The following UNC13B variants were observed in gnomAD, a reference collection of about 807,000 sequenced individuals.
UNC13B encodes protein unc-13 homolog B.
UNC13B carries 144 observed loss-of-function variants against 211.0 expected under a neutral mutation model. The ratio of observed to expected loss-of-function variants is 0.68; its 90% CI spans 0.60 to 0.78. UNC13B has a LOEUF of 0.78. UNC13B is among the 30% of genes least tolerant of loss of function. The pLI, the probability that UNC13B is intolerant of heterozygous loss-of-function variation, is 0.00. For synonymous variants in UNC13B, 709 were observed against 725.8 expected (o/e 0.98, Z 0.37); for missense variants, 1,777 against 2,002.0 (o/e 0.89, Z 2.14).
intron 1 of UNC13B, among the ~76,000 whole-genome samples, chr9:35,203,123 G>A (rs1823415275): frequency 6.6e-6 from 1 of 152,138 alleles, no homozygotes; most frequent in Non-Finnish European, 1.5e-5. Context: ...TTGCCAGTCT[G>A]TGTCTTTTAA....
chr9:35,333,543 C>T (rs544045822), intron 11 of UNC13B, among the ~76,000 whole-genome samples: 12 of 152,308 alleles, frequency 7.9e-5, no homozygotes, highest in East Asian at 3.9e-4. Context: ...TTCTTTCCAA[C>T]GCCTTCCTCC....
At chr9:35,258,351 C>T (rs978795875) in intron 6 of UNC13B, among the ~76,000 whole-genome samples, 1 of 152,192 alleles carries the variant, frequency 6.6e-6, no homozygotes, top group African/African-American at 2.4e-5. Flanking sequence ...AAATCGGGCC[C>T]ATCCTCAAGA....
At chr9:35,314,274 G>A (rs925008430) in intron 11 of UNC13B, among the ~76,000 whole-genome samples, 1 of 152,064 alleles carries the variant, frequency 6.6e-6, no homozygotes, top group African/African-American at 2.4e-5. Flanking sequence ...TGAGTTTAGG[G>A]CGAGTTTAGG....
rs368947711 is a variant in UNC13B, at chr9:35,375,192, C to T, written c.9606C>T (p.Asp3202=). The T allele has an allele frequency of 2.0e-5, 33 of 1,613,940 alleles. No individual in the cohort carries two copies. Among genetic ancestry groups the T allele is most frequent in the African/African-American group, 9.3e-5 (7 of 74,928 alleles). Residue 3202 remains aspartate, a synonymous_variant, in exon 14 of 40, where the codon GAC becomes GAT. Transcript: ENST00000635942. ...SAMATRTSLK[D]EELKSHVYKK... Reference sequence around the variant, plus strand: ...TGGCTACACGCACTTCTCTTAAGGACGAAGAGCTGGTAAGTGTCCCAAGTG... The same window carrying T: ...TGGCTACACGCACTTCTCTTAAGGATGAAGAGCTGGTAAGTGTCCCAAGTG...
chr9:35,254,867 A>G (rs1826728029), intron 6 of UNC13B, among the ~76,000 whole-genome samples: 1 of 135,902 alleles, frequency 7.4e-6, no homozygotes, highest in Admixed American at 8.4e-5. Context: ...TGAATTGTTT[A>G]TACATTATTT....
intron 11 of UNC13B, among the ~76,000 whole-genome samples, chr9:35,342,819 A>T (rs777302264): frequency 1.3e-5 from 2 of 152,192 alleles, no homozygotes; most frequent in Non-Finnish European, 2.9e-5. Context: ...TCCTATGTGT[A>T]TGCATGTACT....
At chr9:35,287,630 C>A (rs772920048) in intron 7 of UNC13B, among the ~76,000 whole-genome samples, 1 of 152,002 alleles carries the variant, frequency 6.6e-6, no homozygotes, top group Non-Finnish European at 1.5e-5. Context: ...TTTTTCTTGG[C>A]CTGCACTCTG....
chr9:35,249,171 T>TA (rs1257111889), intron 6 of UNC13B, among the ~76,000 whole-genome samples: 1 of 152,216 alleles, frequency 6.6e-6, no homozygotes, highest in East Asian at 1.9e-4. Context: ...GAGACTAGGA[T>TA]TGCAACCCCT....
intron 11 of UNC13B, among the ~76,000 whole-genome samples, chr9:35,344,926 G>T (rs1197652903): frequency 6.6e-6 from 1 of 152,160 alleles, no homozygotes; most frequent in East Asian, 1.9e-4. Flanking sequence ...TTTAGCACAG[G>T]CACTGTTTTA....
rs916596704 is a variant in UNC13B at position 35,380,623 on chromosome 9, C to T, written c.10359C>T (p.Asp3453=). 1.4e-5 allele frequency: 22 copies of T among 1,614,030 alleles called. No individual in the cohort carries two copies. The highest frequency in any genetic ancestry group is 2.7e-5 in the African/African-American group (2 of 74,922). The change falls in exon 18 of 40, where the codon GAC becomes GAT. Residue 3453 remains aspartate (D), a synonymous_variant. Transcript: ENST00000635942. ...TTCGGACCCTAAGTGGCGAGATGGA[C>T]GTCTGGTACAACTTGGGTGAGGAAA... ...IEVRTLSGEM[D]VWYNLEKRTD...
chr9:35,197,924 T>A (rs1823036211), intron 1 of UNC13B, among the ~76,000 whole-genome samples: 1 of 152,134 alleles, frequency 6.6e-6, no homozygotes, highest in Admixed American at 6.5e-5. Flanking sequence ...CAGTCTCAGA[T>A]AGTTCTTTAT....
At chr9:35,225,380 G>A (rs1393234899) in intron 1 of UNC13B, among the ~76,000 whole-genome samples, 4 of 152,046 alleles carry the variant, frequency 2.6e-5, no homozygotes, top group South Asian at 2.1e-4. Flanking sequence ...AGCTGGTCTC[G>A]AATTCCTTAA....
intron 7 of UNC13B, among the ~76,000 whole-genome samples, chr9:35,270,910 G>A (rs1827841337): frequency 6.6e-6 from 1 of 152,242 alleles, no homozygotes; most frequent in South Asian, 2.1e-4. Flanking sequence ...GGAGGCCGAG[G>A]CAGGTGGATC....
intron 4 of UNC13B, 35 bp downstream of exon 4, chr9:35,236,621 T>C: frequency 6.4e-7 from 1 of 1,555,468 alleles, no homozygotes; most frequent in Non-Finnish European, 8.9e-7. Flanking sequence ...GAAGTATGGT[T>C]CCCAGCCCAT....
intron 11 of UNC13B, among the ~76,000 whole-genome samples, chr9:35,348,836 T>C (rs967708965): frequency 3.3e-5 from 5 of 152,256 alleles, no homozygotes; most frequent in Non-Finnish European, 7.3e-5. Flanking sequence ...TTAAGTCTCT[T>C]GATGCCAGTC....
chr9:35,389,977 A>G lies in UNC13B; in HGVS notation c.11222+4A>G. ...CCTACACACCTGTTCTGAACCAGTG[A>G]GTATCACCCTCTTTGGCCCTGTCTG... is the stretch of plus-strand genomic sequence containing the variant. On this transcript the variant is annotated splice_donor_region_variant and intron_variant, in intron 25 of 39. Coordinates refer to ENST00000635942, the MANE Select transcript of UNC13B (RefSeq NM_001371189.2). The G allele has an allele frequency of 6.2e-7, 1 of 1,613,746 alleles. No homozygotes were observed. The highest frequency in any genetic ancestry group is 8.5e-7 in the Non-Finnish European group (1 of 1,179,692).
At chr9:35,182,851 G>C (rs540607389) in intron 1 of UNC13B, among the ~76,000 whole-genome samples, 11 of 152,272 alleles carry the variant, frequency 7.2e-5, no homozygotes, top group African/African-American at 2.6e-4. Flanking sequence ...GAACAAAATG[G>C]AGTCTCCTAT....
chr9:35,234,029 C>T (rs888701099), intron 3 of UNC13B, among the ~76,000 whole-genome samples: 2 of 152,146 alleles, frequency 1.3e-5, no homozygotes, highest in Non-Finnish European at 2.9e-5. Context: ...TGTTGAAGAC[C>T]TCTGGCTATT....
intron 11 of UNC13B, among the ~76,000 whole-genome samples, chr9:35,340,523 T>C (rs2056973172): frequency 6.6e-6 from 1 of 152,178 alleles, no homozygotes; most frequent in South Asian, 2.1e-4. Context: ...ATGGTCCCCA[T>C]AGACTGACTA....
Sources: gnomAD v4.1 joint callset for allele counts (sites outside exome capture counted in the v4.1 genomes callset) on GRCh38, gnomAD v4.1.1 for gene constraint, MANE v1.5 for transcripts, NCBI Gene and HGNC (gene_info 2026-07-23, HGNC 2026-07-21) for gene names.